The following RAB31 variants were observed in gnomAD, a reference collection of about 807,000 sequenced individuals.
RAB31 encodes the protein RAB31, member RAS oncogene family.
RAB31 carries 21 observed loss-of-function variants against 25.6 expected under a neutral mutation model. The ratio of observed to expected loss-of-function variants is 0.82; its 90% CI spans 0.58 to 1.18. The LOEUF (loss-of-function observed/expected upper bound fraction) is 1.18. RAB31 is among the 50% of genes most tolerant of loss of function. The pLI, the probability that RAB31 is intolerant of heterozygous loss-of-function variation, is 0.00. For missense variants in RAB31, 196 were observed against 250.1 expected, an observed-to-expected ratio of 0.78 and a Z score of 1.46; for synonymous variants, 87 against 84.0, an observed-to-expected ratio of 1.04 and a Z score of -0.20.
At chr18:9,812,097 A>C (rs2068574942) in intron 3 of RAB31, among the ~76,000 whole-genome samples, 1 of 152,144 alleles carries the variant, frequency 6.6e-6, no homozygotes, top group South Asian at 2.1e-4. Context: ...GAGAGAAGGG[A>C]GATCTGGTCT....
At chr18:9,762,592 A>C (rs1599028579) in intron 1 of RAB31, among the ~76,000 whole-genome samples, 1 of 152,336 alleles carries the variant, frequency 6.6e-6, no homozygotes, top group East Asian at 1.9e-4. Flanking sequence ...TTTACAGTTA[A>C]GGCCACATTC....
intron 1 of RAB31, among the ~76,000 whole-genome samples, chr18:9,768,252 T>C (rs1377934994): frequency 6.6e-6 from 1 of 152,258 alleles, no homozygotes; most frequent in Non-Finnish European, 1.5e-5. Flanking sequence ...ATGGTATTTC[T>C]GGCTCTAGAT....
At chr18:9,847,706 GGGACTATA>G (rs1180219478) in intron 6 of RAB31, among the ~76,000 whole-genome samples, 1 of 151,990 alleles carries the variant, frequency 6.6e-6, no homozygotes, top group Non-Finnish European at 1.5e-5. Context: ...CTGGGTAGCT[GGGACTATA>G]GGTGTGCACC....
chr18:9,843,110 C>T (rs2068742276), intron 5 of RAB31, among the ~76,000 whole-genome samples: 1 of 152,186 alleles, frequency 6.6e-6, no homozygotes, highest in Non-Finnish European at 1.5e-5. Flanking sequence ...AATGTGATTT[C>T]CTCTCACCTG....
chr18:9,732,412 T>C (rs566361455), intron 1 of RAB31, among the ~76,000 whole-genome samples: 146 of 152,322 alleles, frequency 9.6e-4, no homozygotes, highest in African/African-American at 3.1e-3. Flanking sequence ...GGCAGAATCC[T>C]CCCCTGGAAT....
rs143453091 is a variant in RAB31 at position 9,846,952 on chromosome 18, C to A, written c.490+1261C>A. Among the ~76,000 whole-genome samples the A allele has an allele frequency of 2.5e-3, 385 of 152,340 alleles. 2 individuals are homozygous for A. The highest frequency in any genetic ancestry group is 4.3e-3 in the Non-Finnish European group (291 of 68,032). On this transcript the variant is annotated intron_variant, in intron 6 of 6. Transcript: ENST00000578921. ...TCTTCACTCTCTTCCCTTCTTTCCA[C>A]CTTCCCTTTCTTTCCTCCTTTGATT...
At chr18:9,748,659 G>A (rs1306676926) in intron 1 of RAB31, among the ~76,000 whole-genome samples, 1 of 151,912 alleles carries the variant, frequency 6.6e-6, no homozygotes, top group Non-Finnish European at 1.5e-5. Context: ...TTGGGAAGTC[G>A]AGGCGGGCGG....
Position 9,824,972 on chromosome 18 carries a change from C to T in RAB31, c.380+9750C>T, listed in dbSNP as rs555324820. ...GGGTGTAACCCCCCGTCCTTCCTGC[C>T]GCTCTTCTCCCTCCCCATGAATGTT... On this transcript the variant is annotated intron_variant, in intron 5 of 6. Transcript: ENST00000578921. 1.2e-4 allele frequency among the ~76,000 whole-genome samples: 19 copies of T among 152,304 alleles called. No individual in the cohort carries two copies. In the South Asian group the frequency reaches 3.3e-3, roughly 27 times the overall value.
At chr18:9,769,486 GCT>G (rs1364805541) in intron 1 of RAB31, among the ~76,000 whole-genome samples, 1 of 151,982 alleles carries the variant, frequency 6.6e-6, no homozygotes, top group Admixed American at 6.6e-5. Flanking sequence ...TCATGATTTG[GCT>G]CTCTATTATT....
chr18:9,732,735 G>A (rs1310760522), intron 1 of RAB31, among the ~76,000 whole-genome samples: 1 of 152,216 alleles, frequency 6.6e-6, no homozygotes, highest in African/African-American at 2.4e-5. Context: ...GAACTTTGCA[G>A]GGTGCCGTGA....
intron 5 of RAB31, among the ~76,000 whole-genome samples, chr18:9,837,785 C>T (rs2068712826): frequency 6.6e-6 from 1 of 152,172 alleles, no homozygotes; most frequent in African/African-American, 2.4e-5. Flanking sequence ...AAGTACGATG[C>T]AGTTCTACTC....
intron 5 of RAB31, among the ~76,000 whole-genome samples, chr18:9,838,532 C>T (rs999768127): frequency 3.3e-5 from 5 of 152,206 alleles, no homozygotes; most frequent in Non-Finnish European, 7.3e-5. Context: ...CTTCTATTCC[C>T]CCAGCCATCA....
intron 1 of RAB31, 31 bp from the exon 2 acceptor site, chr18:9,775,247 T>C (rs936112711): frequency 2.5e-6 from 4 of 1,613,538 alleles, no homozygotes; most frequent in Admixed American, 1.7e-5. Flanking sequence ...CCGCCCTTCA[T>C]CTTCACGGTT....
intron 1 of RAB31, among the ~76,000 whole-genome samples, chr18:9,720,741 G>A (rs1432138882): frequency 6.9e-6 from 1 of 145,632 alleles, no homozygotes; most frequent in Non-Finnish European, 1.5e-5. Context: ...GTGTAATTTC[G>A]TTAAAACCTG....
chr18:9,859,312 G>C lies in RAB31; in HGVS notation c.575G>C (p.Arg192Pro). ...KVEKPTMQASRRCC is the reference protein window; with the variant it reads ...KVEKPTMQASPRCC ...GAGAAGCCAACCATGCAAGCCAGCC[G>C]CCGGTGCTGTTGACCCAAGGGCCGT... The change falls in exon 7 of 7, where the codon CGC becomes CCC. Residue 192 changes from arginine to proline, a missense_variant. Physicochemically the swap from Arg to Pro is moderately radical, Grantham distance 103. Coordinates refer to ENST00000578921, the MANE Select transcript of RAB31 (RefSeq NM_006868.4). The C allele has an allele frequency of 6.2e-7, 1 of 1,612,566 alleles. No individual in the cohort carries two copies. Among genetic ancestry groups the C allele is most frequent in the Non-Finnish European group, 8.5e-7 (1 of 1,178,672 alleles).
At chr18:9,736,713 G>T (rs2068152869) in intron 1 of RAB31, among the ~76,000 whole-genome samples, 1 of 152,062 alleles carries the variant, frequency 6.6e-6, no homozygotes, top group East Asian at 1.9e-4. Flanking sequence ...GAAAGCAAGA[G>T]AAGTCTTAAG....
intron 3 of RAB31, among the ~76,000 whole-genome samples, chr18:9,806,924 A>G (rs2267562): frequency 0.11 from 17,056 of 152,228 alleles, 1,209 homozygotes; most frequent in East Asian, 0.23. Context: ...AAAAATAAAT[A>G]CATTCTGTGG....
chr18:9,795,057 G>A (rs752578760), intron 3 of RAB31, among the ~76,000 whole-genome samples: 8 of 152,126 alleles, frequency 5.3e-5, no homozygotes, highest in Non-Finnish European at 8.8e-5. Context: ...TAGACCAATG[G>A]AACAGAATAA....
chr18:9,798,689 G>C (rs1319622191), intron 3 of RAB31, among the ~76,000 whole-genome samples: 1 of 151,710 alleles, frequency 6.6e-6, no homozygotes, highest in Non-Finnish European at 1.5e-5. Context: ...TGCAATCATA[G>C]CTCACTGCAA....
Sources: allele counts gnomAD v4.1 joint callset (sites outside exome capture counted in the v4.1 genomes callset), GRCh38; gene constraint gnomAD v4.1.1; transcripts MANE v1.5; gene names NCBI Gene and HGNC (gene_info 2026-07-23, HGNC 2026-07-21).